Variants in TYW1B observed in about 807,000 individuals in gnomAD.
The protein encoded by TYW1B is S-adenosyl-L-methionine-dependent tRNA 4-demethylwyosine synthase TYW1B.
In TYW1B, 73 loss-of-function variants were observed where a neutral mutation model predicts 86.9. The ratio of observed to expected loss-of-function variants is 0.84; its 90% CI spans 0.70 to 1.02. TYW1B has a LOEUF of 1.02. Ranked by LOEUF, TYW1B falls within the 50% of genes least tolerant of loss-of-function variation. The pLI, the probability that TYW1B is intolerant of heterozygous loss-of-function variation, is 0.00. For synonymous variants in TYW1B, 248 were observed against 292.8 expected (o/e 0.85, Z 1.56); for missense variants, 637 against 827.4 (o/e 0.77, Z 2.82).
At chr7:72,612,527 T>C (rs1554436107) in intron 13 of TYW1B, among the ~76,000 whole-genome samples, 1 of 152,178 alleles carries the variant, frequency 6.6e-6, no homozygotes, top group East Asian at 1.9e-4. Flanking sequence ...TACCTTTTCA[T>C]AGATAGCTTA....
At chr7:72,627,476 A>ATAACG (rs1554439061) in intron 12 of TYW1B, among the ~76,000 whole-genome samples, 1 of 148,102 alleles carries the variant, frequency 6.8e-6, no homozygotes, top group African/African-American at 2.5e-5. Context: ...ATAACATAAC[A>ATAACG]TAACATAACA....
chr7:72,616,838 C>T lies in TYW1B; in HGVS notation c.1619G>A (p.Gly540Asp), dbSNP rs782318142. ...TGAACTTTCTCTGCAGTAGGTAACGCCCTGTGGAAACAGTATAACCATCAG... is the reference window on the plus strand; with the variant it reads ...TGAACTTTCTCTGCAGTAGGTAACGTCCTGTGGAAACAGTATAACCATCAG... ...LGNPDFIEVK[G>D]VTYCRESSAS... The change falls in exon 13 of 14, where the codon GGC becomes GAC. Residue 540 changes from glycine (G) to aspartate (D), a missense_variant and splice_region_variant. Physicochemically the swap from Gly to Asp is moderately conservative, Grantham distance 94. Coordinates refer to ENST00000620995, the MANE Select transcript of TYW1B (RefSeq NM_001145440.3). 2.5e-6 allele frequency: 4 copies of T among 1,614,172 alleles called. No homozygotes were observed. The highest frequency in any genetic ancestry group is 1.1e-5 in the South Asian group (1 of 91,084).
At chr7:72,805,872 C>T (rs922812515) in intron 5 of TYW1B, among the ~76,000 whole-genome samples, 2 of 152,104 alleles carry the variant, frequency 1.3e-5, no homozygotes, top group Admixed American at 6.6e-5. Context: ...TGTAAAGTTG[C>T]TGCTGAATTA....
intron 13 of TYW1B, among the ~76,000 whole-genome samples, chr7:72,602,834 AC>A (rs1811698009): frequency 1.1e-3 from 1 of 872 alleles, no homozygotes; most frequent in Non-Finnish European, 0.011. Flanking sequence ...AGTGCTCAAA[AC>A]ACACACACAC....
At chr7:72,739,462 A>G (rs577764558) in intron 8 of TYW1B, among the ~76,000 whole-genome samples, 14 of 151,920 alleles carry the variant, frequency 9.2e-5, no homozygotes, top group Middle Eastern at 6.8e-3. Context: ...AAAAATTAGC[A>G]GGGCATGGTG....
At chr7:72,696,481 T>C (rs1313841809) in intron 10 of TYW1B, among the ~76,000 whole-genome samples, 5 of 152,234 alleles carry the variant, frequency 3.3e-5, no homozygotes, top group Admixed American at 3.3e-4. Flanking sequence ...AATGAAAATA[T>C]CATTCACATT....
chr7:72,696,554 T>C (rs1355905706), intron 10 of TYW1B, among the ~76,000 whole-genome samples: 10 of 152,230 alleles, frequency 6.6e-5, no homozygotes, highest in African/African-American at 2.4e-4. Flanking sequence ...AGCAGCCTTA[T>C]CAATCTTTGA....
rs547980214 is a variant in TYW1B at position 72,784,218 on chromosome 7, A to T, written c.847-6685T>A. On this transcript the variant is annotated intron_variant, in intron 6 of 13. Transcript: ENST00000620995. Reference sequence around the variant, plus strand: ...AGAGAAAGAGAAAATAAACAATATAAAAATTATCAGGCTCCTCCTGACTCA... The same window carrying T: ...AGAGAAAGAGAAAATAAACAATATATAAATTATCAGGCTCCTCCTGACTCA... 2.8e-3 allele frequency among the ~76,000 whole-genome samples: 429 copies of T among 152,260 alleles called. 1 individual carries two copies. The highest frequency in any genetic ancestry group is 9.8e-3 in the African/African-American group (409 of 41,582).
intron 13 of TYW1B, among the ~76,000 whole-genome samples, chr7:72,603,803 C>T (rs1425225907): frequency 5.9e-5 from 9 of 152,220 alleles, no homozygotes; most frequent in African/African-American, 1.9e-4. Flanking sequence ...AAACATCAGA[C>T]AAATTTCAAT....
At position 72,575,531 on chromosome 7, in the gene TYW1B, T is replaced by A. The variant is rs1554428289; in HGVS notation, c.1974A>T (p.Arg658Ser). 12 of 1,613,990 alleles carry A rather than the reference T, an allele frequency of 7.4e-6. No individual in the cohort carries two copies. The highest frequency in any genetic ancestry group is 1.3e-5 in the African/African-American group (1 of 75,064). ...CAGAAATAGCCTTTGATTTGTTCTT[T>A]CTCTGATGTCTTGTGTCCTTGGGAT... ...SFDPKDTRHQ[R>S]KNKSKAISGC is the part of the protein sequence containing the mutation. Residue 658 changes from arginine (R) to serine (S), a missense_variant, in exon 14 of 14, where the codon AGA becomes AGT. By Grantham distance (110) the Arg-to-Ser change is moderately radical. Transcript: ENST00000620995.
At chr7:72,596,179 C>CAAAAAAAAA (rs58325295) in intron 13 of TYW1B, among the ~76,000 whole-genome samples, 21 of 56,412 alleles carry the variant, frequency 3.7e-4, no homozygotes, top group Non-Finnish European at 5.6e-4. Context: ...AACTCTGTCT[C>CAAAAAAAAA]AAAAAAAAAA....
chr7:72,779,781 TTC>T (rs1311736102), intron 6 of TYW1B, among the ~76,000 whole-genome samples: 11 of 149,374 alleles, frequency 7.4e-5, no homozygotes, highest in Non-Finnish European at 1.6e-4. Context: ...TATCTCTACA[TTC>T]TCTGTTACTT....
At chr7:72,614,156 C>T (rs1554436459) in intron 13 of TYW1B, among the ~76,000 whole-genome samples, 2 of 151,892 alleles carry the variant, frequency 1.3e-5, no homozygotes. Flanking sequence ...TATCATTGCA[C>T]TTTTTTGTAA....
chr7:72,652,160 G>A lies in TYW1B; in HGVS notation c.1507-23163C>T, dbSNP rs568702984. Among the ~76,000 whole-genome samples, 32 of 152,076 alleles carry A rather than the reference G, an allele frequency of 2.1e-4. No homozygotes were observed. The East Asian group carries it at 6.0e-3, about 28-fold the overall frequency. On this transcript the variant is annotated intron_variant, in intron 11 of 13. Transcript: ENST00000620995. ...TGGGAGGCTGAGGCAGGCGGATCAC[G>A]AGGTCAGGAGATCGAGACCATCTGG...
At position 72,717,226 on chromosome 7, in the gene TYW1B, T is replaced by C. The variant is rs1228804613; in HGVS notation, c.1193-3428A>G. On this transcript the variant is annotated intron_variant, in intron 9 of 13. Transcript: ENST00000620995. ...TGAGGCAGAAGAATCACTTGAACCC[T>C]GGAGGTGGAGGTTGCAGTGAGCTGA... Among the ~76,000 whole-genome samples the C allele has an allele frequency of 1.3e-3, 190 of 151,090 alleles. 1 individual carries two copies. Among genetic ancestry groups the C allele is most frequent in the African/African-American group, 4.0e-3 (164 of 41,094 alleles).
At chr7:72,754,935 A>G (rs1421090498) in intron 7 of TYW1B, among the ~76,000 whole-genome samples, 6 of 152,176 alleles carry the variant, frequency 3.9e-5, no homozygotes, top group African/African-American at 1.2e-4. Context: ...TATGTATGTG[A>G]TATTATATTA....
intron 5 of TYW1B, among the ~76,000 whole-genome samples, chr7:72,805,072 G>T (rs1248235305): frequency 1.3e-5 from 2 of 151,986 alleles, no homozygotes; most frequent in African/African-American, 4.8e-5. Context: ...ATATACTCAT[G>T]GTAGCCAGTA....
chr7:72,785,193 G>C (rs1788106844), intron 6 of TYW1B, among the ~76,000 whole-genome samples: 1 of 151,884 alleles, frequency 6.6e-6, no homozygotes, highest in South Asian at 2.1e-4. Context: ...TACAGAGAGA[G>C]GGAGGTAGAA....
chr7:72,705,767 G>A (rs1814594328), intron 10 of TYW1B, among the ~76,000 whole-genome samples: 2 of 152,130 alleles, frequency 1.3e-5, no homozygotes, highest in Non-Finnish European at 2.9e-5. Flanking sequence ...GAACAAACCA[G>A]TTCTCTGAGG....
Sources: allele counts gnomAD v4.1 joint callset (sites outside exome capture counted in the v4.1 genomes callset), GRCh38; gene constraint gnomAD v4.1.1; transcripts MANE v1.5; gene names NCBI Gene and HGNC (gene_info 2026-07-23, HGNC 2026-07-21).